Variants in SLC4A7 observed in about 807,000 individuals in gnomAD.
The protein encoded by SLC4A7 is solute carrier family 4 member 7.
A neutral mutation model predicts 137.6 loss-of-function variants in SLC4A7; 51 were observed. The ratio of observed to expected loss-of-function variants is 0.37; its 90% CI spans 0.30 to 0.47. The LOEUF (loss-of-function observed/expected upper bound fraction) is 0.47, where lower values mean the gene tolerates loss of function less well. SLC4A7 is among the 20% of genes least tolerant of loss of function. SLC4A7 has a pLI of 1.00. For synonymous variants in SLC4A7, 542 were observed against 518.6 expected (o/e 1.05, Z -0.61); for missense variants, 1,247 against 1,525.4 (o/e 0.82, Z 3.04).
chr3:27,424,462 A>G (rs1251266145), intron 7 of SLC4A7: 1 of 201,108 alleles, frequency 5.0e-6, no homozygotes, highest in Non-Finnish European at 9.9e-6. Flanking sequence ...TCTGATTATC[A>G]TTAAAAATAC....
At chr3:27,463,939 C>T (rs2058836173) in intron 1 of SLC4A7, among the ~76,000 whole-genome samples, 1 of 152,220 alleles carries the variant, frequency 6.6e-6, no homozygotes, top group Non-Finnish European at 1.5e-5. Context: ...AACACCAGCA[C>T]TTTGGGAGGC....
intron 20 of SLC4A7, among the ~76,000 whole-genome samples, chr3:27,394,298 C>T (rs954355738): frequency 2.0e-5 from 3 of 152,206 alleles, no homozygotes; most frequent in African/African-American, 4.8e-5. Context: ...GGATTACAGG[C>T]GTAAGCCACT....
Position 27,398,258 on chromosome 3 carries a change from A to G in SLC4A7, c.2523T>C (p.Phe841=). ...PDVLFWCVIL[F]FTTFFLSSFL... The stretch of plus-strand genomic sequence containing the variant: ...ATGAAGACAGAAAAAATGTTGTGAA[A>G]AACAAGATGACACACCAAAAGAGCA... Residue 841 remains phenylalanine (F), a synonymous_variant, in exon 17 of 26, where the codon TTT becomes TTC. Transcript: ENST00000454389. 1 of 1,613,524 alleles carries G rather than the reference A, an allele frequency of 6.2e-7. No individual in the cohort carries two copies. The highest frequency in any genetic ancestry group is 8.5e-7 in the Non-Finnish European group (1 of 1,179,564).
chr3:27,466,267 C>A (rs1161234617), intron 1 of SLC4A7, among the ~76,000 whole-genome samples: 2 of 150,780 alleles, frequency 1.3e-5, no homozygotes. Flanking sequence ...CTGGCTAACA[C>A]GGTGAAACCC....
rs753804982 is a variant in SLC4A7 at position 27,404,815 on chromosome 3, AG to A, written c.2075+14del. 1.5e-5 allele frequency: 23 copies of A among 1,564,918 alleles called. No individual in the cohort carries two copies. Among genetic ancestry groups the A allele is most frequent in the South Asian group, 1.2e-4 (10 of 86,024 alleles). On this transcript the variant is annotated intron_variant, in intron 14 of 25. Coordinates refer to ENST00000454389, the MANE Select transcript of SLC4A7 (RefSeq NM_001321103.2). ...TATATAACACATGTGATAAGTAGAG[AG>A]GGCTATTACTTACCTGCAGAATTTA... is the stretch of plus-strand genomic sequence containing the variant.
Position 27,376,824 on chromosome 3 carries a change from C to G in SLC4A7, c.3720G>C (p.Val1240=). The change falls in exon 26 of 26, where the codon GTG becomes GTC. Residue 1240 remains valine, a synonymous_variant. Transcript: ENST00000454389. The stretch of plus-strand genomic sequence containing the variant: ...TTGGTTCATCTTCAAAACTTATTTT[C>G]ACACTCACAGGTTTATCAGGACTAT... The part of the protein sequence containing the change: ...SNMSPDKPVS[V]KISFEDEPRK... 1.3e-6 allele frequency: 2 copies of G among 1,589,994 alleles called. No homozygotes were observed. The highest frequency in any genetic ancestry group is 1.7e-6 in the Non-Finnish European group (2 of 1,162,542).
intron 14 of SLC4A7, among the ~76,000 whole-genome samples, chr3:27,403,664 C>T (rs955266757): frequency 1.5e-4 from 23 of 151,774 alleles, no homozygotes; most frequent in Non-Finnish European, 3.2e-4. Flanking sequence ...ATCTACCAGG[C>T]GATAAATATT....
chr3:27,431,504 G>A lies in SLC4A7; in HGVS notation c.944C>T (p.Pro315Leu), dbSNP rs1323299183. 6.2e-7 allele frequency: 1 copy of A among 1,614,128 alleles called. No homozygotes were observed. The highest frequency in any genetic ancestry group is 8.5e-7 in the Non-Finnish European group (1 of 1,180,010). Residue 315 changes from proline (P) to leucine (L), a missense_variant, in exon 7 of 26, where the codon CCT (proline) becomes CTT (leucine). Physicochemically the swap from Pro to Leu is moderately conservative, Grantham distance 98. Transcript: ENST00000454389. ...AGGGCTAGAAGGAGGACTGTTTTGA[G>A]GGGTGGGTACTGGGGTTGTACACCT... ...GSRCTTPVPTPQNSPPSSPSI... is the reference protein window; with the variant it reads ...GSRCTTPVPTLQNSPPSSPSI...
At chr3:27,416,760 C>T (rs1205506631) in intron 11 of SLC4A7, among the ~76,000 whole-genome samples, 1 of 152,114 alleles carries the variant, frequency 6.6e-6, no homozygotes, top group Non-Finnish European at 1.5e-5. Flanking sequence ...CATGAATATA[C>T]TCACCAAGAA....
At chr3:27,474,054 T>A (rs931634375) in intron 1 of SLC4A7, among the ~76,000 whole-genome samples, 12 of 152,200 alleles carry the variant, frequency 7.9e-5, no homozygotes, top group Non-Finnish European at 1.3e-4. Flanking sequence ...TTACGCCTAT[T>A]CGACTGAACA....
At position 27,404,943 on chromosome 3, in the gene SLC4A7, A is replaced by T; in HGVS notation, c.1962T>A (p.Phe654Leu). The part of the protein sequence containing the change: ...EGRISAIESL[F>L]GASLTGIAYS... ...AGGCAATCCCAGTTAATGATGCTCC[A>T]AAAAGAGACTCTATTGCACTCTGTT... Residue 654 changes from phenylalanine to leucine, a missense_variant, in exon 14 of 26, where the codon TTT becomes TTA. This residue lies in a region of SLC4A7 where 499 missense variants were observed against 664.2 expected (regional missense o/e 0.75). Coordinates refer to ENST00000454389, the MANE Select transcript of SLC4A7 (RefSeq NM_001321103.2). 2 of 1,603,504 alleles carry T rather than the reference A, an allele frequency of 1.2e-6. No individual in the cohort carries two copies. The highest frequency in any genetic ancestry group is 2.2e-5 in the South Asian group (2 of 89,164).
chr3:27,448,305 TA>T (rs1410766395), intron 3 of SLC4A7, among the ~76,000 whole-genome samples: 3 of 151,834 alleles, frequency 2.0e-5, no homozygotes, highest in Admixed American at 6.6e-5. Context: ...ATTGCATATG[TA>T]AGTAATTAAA....
In SLC4A7 at chr3:27,374,120, T is replaced by C. The variant is rs1040098419; in HGVS notation, c.*2644A>G. ...ATTGAAACAGCATTCAGAAAAAAAG[T>C]ACATTTCAGATGGTCAGCATCAGGA... is the stretch of plus-strand genomic sequence containing the variant. On this transcript the variant is annotated 3_prime_UTR_variant, in exon 26 of 26. Transcript: ENST00000454389. 2.6e-5 allele frequency: 4 copies of C among 152,538 alleles called. No individual in the cohort carries two copies. The highest frequency in any genetic ancestry group is 1.3e-4 in the Admixed American group (2 of 15,272). 9.4% of individuals were successfully genotyped at this position (152,538 alleles called of 1,614,324 possible).
At chr3:27,380,314 TA>T (rs60223718) in intron 24 of SLC4A7, among the ~76,000 whole-genome samples, 16,231 of 136,156 alleles carry the variant, frequency 0.12, 916 homozygotes, top group Middle Eastern at 0.19. Flanking sequence ...CTCCAGAATT[TA>T]AAAAAAAAAA....
intron 1 of SLC4A7, among the ~76,000 whole-genome samples, chr3:27,455,961 A>T (rs1243648634): frequency 6.6e-6 from 1 of 152,222 alleles, no homozygotes; most frequent in Non-Finnish European, 1.5e-5. Context: ...CAGCAAAATC[A>T]AATCTAGTTT....
intron 23 of SLC4A7, among the ~76,000 whole-genome samples, chr3:27,384,530 T>C (rs1442561680): frequency 6.6e-6 from 1 of 152,188 alleles, no homozygotes; most frequent in Non-Finnish European, 1.5e-5. Flanking sequence ...AAGAATAACC[T>C]TGTGTTTAAA....
At chr3:27,421,547 T>C (rs2054981867) in intron 9 of SLC4A7, 75 bp downstream of exon 9, 2 of 1,105,804 alleles carry the variant, frequency 1.8e-6, no homozygotes. Flanking sequence ...ATCAACATGC[T>C]TGTTCATTCG....
rs2150256686 is a variant in SLC4A7, at chr3:27,416,403, A to G, written c.1659+2083T>C. ...CTCCACTGAGAATGGTGCCATGTACACTCTTAGTGTGTATAAGTTTTTGAT... is the reference window on the plus strand; with the variant it reads ...CTCCACTGAGAATGGTGCCATGTACGCTCTTAGTGTGTATAAGTTTTTGAT... On this transcript the variant is annotated intron_variant, in intron 11 of 25. Transcript: ENST00000454389. Among the ~76,000 whole-genome samples, 3 of 152,184 alleles carry G rather than the reference A, an allele frequency of 2.0e-5. No homozygotes were observed. In the South Asian group the frequency reaches 6.2e-4, roughly 32 times the overall value.
intron 1 of SLC4A7, among the ~76,000 whole-genome samples, chr3:27,472,970 C>T (rs2059311607): frequency 1.3e-5 from 2 of 151,964 alleles, no homozygotes; most frequent in African/African-American, 2.4e-5. Context: ...ATCCCAGCTA[C>T]TCGGGAGGCT....
Sources: allele counts gnomAD v4.1 joint callset (sites outside exome capture counted in the v4.1 genomes callset), GRCh38; gene constraint gnomAD v4.1.1; regional missense constraint gnomAD v4.1.1; transcripts MANE v1.5; gene names NCBI Gene and HGNC (gene_info 2026-07-23, HGNC 2026-07-21).